The following KAZN variants were observed in gnomAD, a reference collection of about 807,000 sequenced individuals.
The protein encoded by KAZN is kazrin, periplakin interacting protein.
A neutral mutation model predicts 87.4 loss-of-function variants in KAZN; 40 were observed. The observed-to-expected ratio is 0.46, with a 90% CI of 0.36 to 0.60. The LOEUF (loss-of-function observed/expected upper bound fraction) is 0.60. KAZN is among the 20% of genes least tolerant of loss of function. The probability of loss-of-function intolerance (pLI) is 0.00; values close to 1 mark genes in which losing one functional copy is unlikely to be tolerated. For synonymous variants in KAZN, 466 were observed against 458.3 expected (o/e 1.02, Z -0.22); for missense variants, 898 against 1,073.9 (o/e 0.84, Z 2.29).
chr1:14,551,664 G>C (rs1156230486), intron 2 of KAZN, among the ~76,000 whole-genome samples: 1 of 152,182 alleles, frequency 6.6e-6, no homozygotes, highest in Non-Finnish European at 1.5e-5. Flanking sequence ...TGGTGAGTTA[G>C]TGGGTGGAGG....
chr1:14,580,833 C>T (rs1675501913), intron 2 of KAZN, among the ~76,000 whole-genome samples: 1 of 152,158 alleles, frequency 6.6e-6, no homozygotes, highest in East Asian at 1.9e-4. Flanking sequence ...ATGTCATCAA[C>T]CAATGTCATC....
At chr1:13,899,604 T>TTC (rs2100834001) in intron 1 of KAZN, among the ~76,000 whole-genome samples, 1 of 152,038 alleles carries the variant, frequency 6.6e-6, no homozygotes, top group Admixed American at 6.6e-5. Context: ...TGTGTTAGAC[T>TTC]CTAAGCTTCC....
intron 2 of KAZN, among the ~76,000 whole-genome samples, chr1:14,447,747 C>T (rs4443885): frequency 0.26 from 39,169 of 151,906 alleles, 5,928 homozygotes; most frequent in Middle Eastern, 0.44. Flanking sequence ...TGGGAGGGGG[C>T]GCTGTCCTAA....
At chr1:14,197,741 T>C (rs571583419) in intron 2 of KAZN, among the ~76,000 whole-genome samples, 1 of 152,216 alleles carries the variant, frequency 6.6e-6, no homozygotes, top group Middle Eastern at 3.4e-3. Context: ...CAGAACCTTA[T>C]TTTCTAAGTA....
chr1:14,361,844 C>A (rs1040557202), intron 2 of KAZN, among the ~76,000 whole-genome samples: 1 of 152,210 alleles, frequency 6.6e-6, no homozygotes, highest in African/African-American at 2.4e-5. Flanking sequence ...CATCTTGAGT[C>A]ATTTACCCGT....
intron 1 of KAZN, among the ~76,000 whole-genome samples, chr1:14,130,670 T>A (rs2101732590): frequency 6.6e-6 from 1 of 152,278 alleles, no homozygotes; most frequent in Non-Finnish European, 1.5e-5. Context: ...TGAATCCTTC[T>A]TGCTGCCTCT....
chr1:14,053,783 G>T (rs1007308201), intron 1 of KAZN, among the ~76,000 whole-genome samples: 2 of 152,180 alleles, frequency 1.3e-5, no homozygotes, highest in African/African-American at 4.8e-5. Flanking sequence ...AGACATCCAT[G>T]CATAACTTTT....
chr1:14,294,900 C>A (rs1209970561), intron 2 of KAZN, among the ~76,000 whole-genome samples: 1 of 139,718 alleles, frequency 7.2e-6, no homozygotes, highest in African/African-American at 2.6e-5. Flanking sequence ...TCATTCAGAT[C>A]TTTTTTTTTT....
intron 2 of KAZN, among the ~76,000 whole-genome samples, chr1:14,243,081 CCCA>C: frequency 6.6e-6 from 1 of 152,330 alleles, no homozygotes; most frequent in African/African-American, 2.4e-5. Context: ...CCATGGGCCA[CCCA>C]CCACATCACT....
intron 2 of KAZN, among the ~76,000 whole-genome samples, chr1:14,513,473 T>C (rs1208314442): frequency 6.6e-6 from 1 of 152,064 alleles, no homozygotes; most frequent in Non-Finnish European, 1.5e-5. Flanking sequence ...TGTGTACGAG[T>C]GTTTCTGACT....
chr1:13,919,264 T>G (rs1427039311), intron 1 of KAZN, among the ~76,000 whole-genome samples: 2 of 152,196 alleles, frequency 1.3e-5, no homozygotes. Context: ...TCCAATATAG[T>G]GTAGTTTTGC....
intron 1 of KAZN, among the ~76,000 whole-genome samples, chr1:14,762,622 G>C (rs1419729009): frequency 6.6e-6 from 1 of 152,108 alleles, no homozygotes; most frequent in Non-Finnish European, 1.5e-5. Flanking sequence ...CTACTCGGGA[G>C]GCTGAGGCAG....
intron 1 of KAZN, among the ~76,000 whole-genome samples, chr1:14,656,733 T>G (rs953108716): frequency 8.6e-5 from 13 of 152,038 alleles, no homozygotes; most frequent in African/African-American, 3.1e-4. Context: ...AACCACCAGA[T>G]CTCGTGAGAG....
intron 1 of KAZN, among the ~76,000 whole-genome samples, chr1:14,091,531 A>G (rs1643993532): frequency 6.6e-6 from 1 of 152,208 alleles, no homozygotes; most frequent in African/African-American, 2.4e-5. Context: ...AGTCATGTCT[A>G]TTAATTTTAT....
At chr1:14,575,904 T>G (rs1571967039) in intron 2 of KAZN, among the ~76,000 whole-genome samples, 1 of 152,190 alleles carries the variant, frequency 6.6e-6, no homozygotes, top group East Asian at 1.9e-4. Flanking sequence ...CTCTAGGCTT[T>G]AGTATAGGGC....
chr1:13,964,603 C>A (rs182501037), intron 1 of KAZN, among the ~76,000 whole-genome samples: 1 of 152,258 alleles, frequency 6.6e-6, no homozygotes, highest in East Asian at 1.9e-4. Context: ...TCCAGCAGGC[C>A]ACCCCAGGCT....
chr1:14,469,899 T>G (rs1668361742), intron 2 of KAZN, among the ~76,000 whole-genome samples: 1 of 152,230 alleles, frequency 6.6e-6, no homozygotes, highest in Admixed American at 6.5e-5. Context: ...TCTGTGTTGG[T>G]TTTTGGCTTT....
In KAZN at chr1:14,112,338, G is replaced by T. The variant is rs1459336388; in HGVS notation, c.92-68097G>T. Among the ~76,000 whole-genome samples the T allele has an allele frequency of 2.2e-5, 3 of 135,292 alleles. 1 individual carries two copies. The highest frequency in any genetic ancestry group is 3.2e-5 in the Non-Finnish European group (2 of 63,054). The allele number at this position is 135,292 out of a possible 152,430, so 88.8% of individuals were successfully genotyped here. A position where few individuals can be genotyped will look rare whatever the true frequency, so the allele number is the denominator to read the frequency against. ...CTGAGAACACTGCTAGCTCAGTCTGGATGCTGTGTGACCATATGGTAGTGA... is the reference window on the plus strand; with the variant it reads ...CTGAGAACACTGCTAGCTCAGTCTGTATGCTGTGTGACCATATGGTAGTGA... On this transcript the variant is annotated intron_variant, in intron 1 of 16. Transcript: ENST00000636203.
At chr1:14,847,959 G>A (rs1244259162) in intron 1 of KAZN, among the ~76,000 whole-genome samples, 4 of 152,188 alleles carry the variant, frequency 2.6e-5, no homozygotes, top group African/African-American at 7.2e-5. Flanking sequence ...CATCCTGGGC[G>A]ACAGAGTGAG....
Sources: allele counts gnomAD v4.1 joint callset (sites outside exome capture counted in the v4.1 genomes callset), GRCh38; gene constraint gnomAD v4.1.1; transcripts MANE v1.5; gene names NCBI Gene and HGNC (gene_info 2026-07-23, HGNC 2026-07-21).